DIPK1B: variants seen among roughly 807,000 people sequenced by gnomAD.
DIPK1B encodes the protein divergent protein kinase domain 1B.
DIPK1B carries 17 observed loss-of-function variants against 20.7 expected under a neutral mutation model. The observed-to-expected ratio is 0.82, with a 90% CI of 0.56 to 1.23. The LOEUF is 1.23. Among genes scored for constraint, DIPK1B ranks in the 50% most tolerant of loss-of-function variants. The probability of loss-of-function intolerance (pLI) is 0.00; values close to 1 mark genes in which losing one functional copy is unlikely to be tolerated. For missense variants in DIPK1B, 648 were observed against 601.8 expected (o/e 1.08, Z -0.80); for synonymous variants, 343 against 276.5 (o/e 1.24, Z -2.39).
intron 4 of DIPK1B, 80 bp from the exon 5 acceptor site, chr9:136,722,882 G>A: frequency 2.1e-6 from 3 of 1,419,922 alleles, no homozygotes; most frequent in Non-Finnish European, 2.8e-6. Context: ...CACCCCGCCA[G>A]GAGGACCAGG....
chr9:136,714,553 C>T (rs1190293881), intron 1 of DIPK1B, among the ~76,000 whole-genome samples: 2 of 152,212 alleles, frequency 1.3e-5, no homozygotes, highest in African/African-American at 4.8e-5. Context: ...CCCTGCATGG[C>T]CCTGCCTTGG....
intron 2 of DIPK1B, among the ~76,000 whole-genome samples, chr9:136,719,791 G>A (rs559111757): frequency 6.6e-6 from 1 of 152,238 alleles, no homozygotes; most frequent in African/African-American, 2.4e-5. Flanking sequence ...TGGCCCACAG[G>A]CTCCTTCCCC....
chr9:136,718,198 A>C (rs1846531541), intron 2 of DIPK1B, among the ~76,000 whole-genome samples: 1 of 28,632 alleles, frequency 3.5e-5, no homozygotes, highest in Non-Finnish European at 9.0e-5. Flanking sequence ...TGCTGGCCTC[A>C]CTGGTCCAGG....
Position 136,723,146 on chromosome 9 carries a change from GCTA to G in DIPK1B, c.671_673del (p.Tyr224del). ...AAGGAGCACGCCTCCAGACTGCTGG[GCTA>G]CTGTGGGGACCTCTACCTCACCGAG... On this transcript the variant is annotated inframe_deletion, in exon 5 of 5. Coordinates refer to ENST00000371692, the MANE Select transcript of DIPK1B (RefSeq NM_152421.4). 6.2e-7 allele frequency: 1 copy of G among 1,613,436 alleles called. No homozygotes were observed. The highest frequency in any genetic ancestry group is 8.5e-7 in the Non-Finnish European group (1 of 1,179,990).
chr9:136,723,734 C>T lies in DIPK1B; in HGVS notation c.1256C>T (p.Thr419Ile). ...HHSLVLSHLK[T>I]LLWKKISNTK... ...TCGCTGGTGCTCAGCCACCTCAAGACTCTGCTCTGGAAGAAGATCTCCAAC... is the reference window on the plus strand; with the variant it reads ...TCGCTGGTGCTCAGCCACCTCAAGATTCTGCTCTGGAAGAAGATCTCCAAC... Residue 419 changes from threonine (T) to isoleucine (I), a missense_variant, in exon 5 of 5, where the codon ACT becomes ATT. Transcript: ENST00000371692. 1 of 1,535,466 alleles carries T rather than the reference C, an allele frequency of 6.5e-7. No homozygotes were observed. The highest frequency in any genetic ancestry group is 2.0e-5 in the Admixed American group (1 of 51,006).
chr9:136,717,397 C>T (rs1468447736), intron 1 of DIPK1B, among the ~76,000 whole-genome samples, 180 bp from the exon 2 acceptor site: 2 of 152,170 alleles, frequency 1.3e-5, no homozygotes, highest in African/African-American at 4.8e-5. Context: ...GAGGCAGAGC[C>T]AGGAGTGGGT....
chr9:136,723,753 C>CTCCT lies in DIPK1B; in HGVS notation c.1278_1279insTTCC (p.Asn427PhefsTer11). On this transcript the variant is annotated frameshift_variant, in exon 5 of 5. Transcript: ENST00000371692. LOFTEE classifies it high-confidence loss of function. The stretch of plus-strand genomic sequence containing the variant: ...TCAAGACTCTGCTCTGGAAGAAGAT[C>CTCCT]TCCAACACCAAGTACTCTTGATGGG... 1 of 1,534,728 alleles carries CTCCT rather than the reference C, an allele frequency of 6.5e-7. No homozygotes were observed.
rs1384465551 is a variant in DIPK1B, at chr9:136,716,866, C to T, written c.64-711C>T. ...GGGGCAGTGTCTCTCGCGGTGGGCG[C>T]GCTCACCTGGCCTTGTGCGGAGGTG... On this transcript the variant is annotated intron_variant, in intron 1 of 4. Transcript: ENST00000371692. Among the ~76,000 whole-genome samples the T allele has an allele frequency of 2.6e-5, 4 of 152,092 alleles. No homozygotes were observed. The South Asian group carries it at 6.2e-4, about 24-fold the overall frequency.
rs1344552737 is a variant in DIPK1B at position 136,723,257 on chromosome 9, T to C, written c.779T>C (p.Leu260Pro). The C allele has an allele frequency of 6.2e-7, 1 of 1,612,506 alleles. No homozygotes were observed. The highest frequency in any genetic ancestry group is 1.3e-5 in the African/African-American group (1 of 74,926). ...PLLPPALQGA[L>P]QQWLGPAWPW... is the part of the protein sequence containing the mutation. ...CTGCCGCCTGCCCTGCAGGGTGCTC[T>C]CCAGCAGTGGCTGGGGCCTGCGTGG... is the stretch of plus-strand genomic sequence containing the variant. Residue 260 changes from leucine to proline, a missense_variant, in exon 5 of 5, where the codon CTC becomes CCC. Leu to Pro is a moderately conservative substitution (Grantham distance 98). Transcript: ENST00000371692.
intron 1 of DIPK1B, among the ~76,000 whole-genome samples, chr9:136,714,869 C>T (rs536868125): frequency 6.6e-5 from 10 of 152,280 alleles, no homozygotes; most frequent in East Asian, 1.9e-4. Context: ...GAGTGGATGC[C>T]GGGGAAGCAG....
In DIPK1B at chr9:136,723,626, C is replaced by T; in HGVS notation, c.1148C>T (p.Ala383Val). ...LRGYLLPGAP[A>V]DLREELGTQL... is the part of the protein sequence containing the mutation. Reference sequence around the variant, plus strand: ...GGCTACCTGCTGCCTGGCGCGCCCGCCGACCTCCGCGAGGAGCTGGGCACA... The same window carrying T: ...GGCTACCTGCTGCCTGGCGCGCCCGTCGACCTCCGCGAGGAGCTGGGCACA... The change falls in exon 5 of 5, where the codon GCC becomes GTC. Residue 383 changes from alanine to valine, a missense_variant. Ala to Val is a moderately conservative substitution (Grantham distance 64). Coordinates refer to ENST00000371692, the MANE Select transcript of DIPK1B (RefSeq NM_152421.4). 2 of 1,577,974 alleles carry T rather than the reference C, an allele frequency of 1.3e-6. No individual in the cohort carries two copies. Among genetic ancestry groups the T allele is most frequent in the Non-Finnish European group, 1.7e-6 (2 of 1,163,910 alleles).
chr9:136,716,587 G>T (rs1197821305), intron 1 of DIPK1B, among the ~76,000 whole-genome samples: 2 of 151,940 alleles, frequency 1.3e-5, no homozygotes, highest in African/African-American at 4.8e-5. Context: ...TTTTTGTAGA[G>T]GCGGGGTTTC....
intron 2 of DIPK1B, among the ~76,000 whole-genome samples, chr9:136,719,965 G>C (rs1473994892): frequency 4.7e-5 from 4 of 84,852 alleles, no homozygotes; most frequent in Non-Finnish European, 8.5e-5. Context: ...TGTGGGCTGG[G>C]GCTCCGGGTG....
Position 136,712,639 on chromosome 9 carries a change from C to G in DIPK1B, c.-27C>G. ...GGCTGAGGCCGAGCGAGCCGCGGGGCCCGCGCAGCCCCGGCCGGAGCCCAC... is the reference window on the plus strand; with the variant it reads ...GGCTGAGGCCGAGCGAGCCGCGGGGGCCGCGCAGCCCCGGCCGGAGCCCAC... On this transcript the variant is annotated 5_prime_UTR_variant, in exon 1 of 5. Coordinates refer to ENST00000371692, the MANE Select transcript of DIPK1B (RefSeq NM_152421.4). This position sits in a 1 kb window ranked among gnomAD's most constrained non-coding sequence, Gnocchi z 5.6. 8.8e-7 allele frequency: 1 copy of G among 1,137,940 alleles called. No individual in the cohort carries two copies. The highest frequency in any genetic ancestry group is 1.1e-6 in the Non-Finnish European group (1 of 926,728). 70.5% of individuals were successfully genotyped at this position (1,137,940 alleles called of 1,614,324 possible).
chr9:136,722,187 C>G lies in DIPK1B; in HGVS notation c.369C>G (p.Leu123=), dbSNP rs757549927. The change falls in exon 4 of 5, where the codon CTC becomes CTG. Residue 123 remains leucine, a synonymous_variant. Transcript: ENST00000371692. ...VTIKCGIEET[L]DSKARSDAAP... ...TCAAGTGTGGCATTGAGGAGACCCT[C>G]GACTCCAAGGCCCGGTCGGATGCGG... The G allele has an allele frequency of 8.7e-6, 14 of 1,613,988 alleles. No homozygotes were observed. The highest frequency in any genetic ancestry group is 1.2e-5 in the Non-Finnish European group (14 of 1,179,986).
chr9:136,714,652 C>G (rs73554025), intron 1 of DIPK1B, among the ~76,000 whole-genome samples: 1,997 of 152,352 alleles, frequency 0.013, 40 homozygotes, highest in African/African-American at 0.046. Context: ...TGTTTTTCAT[C>G]TTGAGCAAGT....
Position 136,723,659 on chromosome 9 carries a change from G to T in DIPK1B, c.1181G>T (p.Arg394Leu). 1.3e-6 allele frequency: 2 copies of T among 1,557,434 alleles called. No homozygotes were observed. The highest frequency in any genetic ancestry group is 1.7e-6 in the Non-Finnish European group (2 of 1,154,302). The change falls in exon 5 of 5, where the codon CGC becomes CTC. Residue 394 changes from arginine (R) to leucine (L), a missense_variant. Physicochemically the swap from Arg to Leu is moderately radical, Grantham distance 102. Transcript: ENST00000371692. ...DLREELGTQL[R>L]TCTTLSGLAS... Reference sequence around the variant, plus strand: ...CGCGAGGAGCTGGGCACACAGCTGCGCACCTGTACCACGCTGAGCGGGCTG... The same window carrying T: ...CGCGAGGAGCTGGGCACACAGCTGCTCACCTGTACCACGCTGAGCGGGCTG...
intron 1 of DIPK1B, among the ~76,000 whole-genome samples, chr9:136,716,938 T>A (rs954279758): frequency 3.3e-5 from 5 of 152,070 alleles, no homozygotes; most frequent in Admixed American, 2.0e-4. Context: ...TGTAAAAATA[T>A]CTTCATTCGG....
Position 136,712,807 on chromosome 9 carries a change from A to C in DIPK1B, c.63+79A>C. The C allele has an allele frequency of 9.5e-7, 1 of 1,054,128 alleles. No individual in the cohort carries two copies. Among genetic ancestry groups the C allele is most frequent in the Non-Finnish European group, 1.2e-6 (1 of 826,278 alleles). 65.3% of individuals were successfully genotyped at this position (1,054,128 alleles called of 1,614,324 possible). A position where few individuals can be genotyped will look rare whatever the true frequency, so the allele number is the denominator to read the frequency against. ...GCTCCAGCCCCGGAGTGGGCCGAGTACGGAGCGGGGCCCCGGGTTCGGACA... is the reference window on the plus strand; with the variant it reads ...GCTCCAGCCCCGGAGTGGGCCGAGTCCGGAGCGGGGCCCCGGGTTCGGACA... On this transcript the variant is annotated intron_variant, in intron 1 of 4. Coordinates refer to ENST00000371692, the MANE Select transcript of DIPK1B (RefSeq NM_152421.4). The surrounding 1 kb of genome is among the most constrained non-coding windows in gnomAD (Gnocchi z 5.6).
Sources: allele counts gnomAD v4.1 joint callset (sites outside exome capture counted in the v4.1 genomes callset), GRCh38; gene constraint gnomAD v4.1.1; non-coding constraint Gnocchi (gnomAD v3.1); transcripts MANE v1.5; gene names NCBI Gene and HGNC (gene_info 2026-07-23, HGNC 2026-07-21).